CTNND2: variants seen among roughly 807,000 people sequenced by gnomAD.
CTNND2 encodes catenin delta 2.
CTNND2 carries 22 observed loss-of-function variants against 144.4 expected under a neutral mutation model. That is an observed-to-expected ratio of 0.15 (90% CI 0.11 to 0.22). CTNND2 has a LOEUF of 0.22. CTNND2 is among the 10% of genes least tolerant of loss of function. CTNND2 has a pLI of 1.00. For synonymous variants in CTNND2, 751 were observed against 695.6 expected (o/e 1.08, Z -1.25); for missense variants, 1,353 against 1,618.8 (o/e 0.84, Z 2.82).
chr5:11,411,869 G>T (rs1160533499), intron 4 of CTNND2, among the ~76,000 whole-genome samples, 166 bp downstream of exon 4: 1 of 152,166 alleles, frequency 6.6e-6, no homozygotes, highest in African/African-American at 2.4e-5. Context: ...AGAATTGAAA[G>T]ATTTAACTCT....
intron 9 of CTNND2, among the ~76,000 whole-genome samples, chr5:11,243,086 T>C (rs989491804): frequency 3.9e-5 from 6 of 152,254 alleles, no homozygotes; most frequent in Admixed American, 6.5e-5. Context: ...CTTTCACTGA[T>C]ACGTATTCAT....
intron 20 of CTNND2, among the ~76,000 whole-genome samples, chr5:10,982,653 T>C (rs577434970): frequency 6.6e-6 from 1 of 152,322 alleles, no homozygotes; most frequent in East Asian, 1.9e-4. Flanking sequence ...GCTGGGTGTA[T>C]ATTAGAAAGA....
chr5:11,647,133 T>C (rs1271948225), intron 2 of CTNND2, among the ~76,000 whole-genome samples: 1 of 152,162 alleles, frequency 6.6e-6, no homozygotes, highest in East Asian at 1.9e-4. Context: ...GAGCAAACTC[T>C]ACTGTTCTTT....
chr5:11,366,985 G>A (rs1313554447), intron 7 of CTNND2, among the ~76,000 whole-genome samples: 1 of 152,220 alleles, frequency 6.6e-6, no homozygotes, highest in Non-Finnish European at 1.5e-5. Context: ...GTCTACCTAT[G>A]TGGATATCAG....
chr5:11,600,221 T>A (rs1390866291), intron 2 of CTNND2, among the ~76,000 whole-genome samples: 4 of 152,194 alleles, frequency 2.6e-5, no homozygotes, highest in Admixed American at 6.5e-5. Context: ...GTGGACACAC[T>A]GTTTTGTCAA....
chr5:11,685,328 A>G (rs1784599582), intron 2 of CTNND2, among the ~76,000 whole-genome samples: 1 of 152,194 alleles, frequency 6.6e-6, no homozygotes, highest in Non-Finnish European at 1.5e-5. Flanking sequence ...AAATGAAAGC[A>G]AAGTGTCAGC....
chr5:11,672,923 C>CCGTGAGCTGCACCCTGTCCAA (rs1466962960), intron 2 of CTNND2, among the ~76,000 whole-genome samples: 1 of 152,156 alleles, frequency 6.6e-6, no homozygotes, highest in Non-Finnish European at 1.5e-5. Context: ...GGCTCACCCT[C>CCGTGAGCTGCACCCTGTCCAA]CGTGAGCTGC....
intron 16 of CTNND2, among the ~76,000 whole-genome samples, chr5:11,039,469 C>A (rs1744454672): frequency 6.6e-6 from 1 of 152,152 alleles, no homozygotes; most frequent in South Asian, 2.1e-4. Flanking sequence ...CATACCAGTC[C>A]CCTTTTCCCA....
At chr5:11,030,001 C>T (rs1432734882) in intron 16 of CTNND2, among the ~76,000 whole-genome samples, 1 of 151,782 alleles carries the variant, frequency 6.6e-6, no homozygotes, top group Non-Finnish European at 1.5e-5. Context: ...TAAGTTTTCC[C>T]TCACTTCTGC....
At chr5:11,124,697 G>A (rs950453325) in intron 12 of CTNND2, among the ~76,000 whole-genome samples, 3 of 152,136 alleles carry the variant, frequency 2.0e-5, no homozygotes, top group Admixed American at 6.5e-5. Context: ...TCACTGGCAC[G>A]ATCAACCCCT....
chr5:11,041,058 T>C (rs1039674495), intron 16 of CTNND2, among the ~76,000 whole-genome samples: 1 of 152,222 alleles, frequency 6.6e-6, no homozygotes, highest in African/African-American at 2.4e-5. Context: ...GAGTCTGAAA[T>C]TAGTCCTCCA....
chr5:11,478,305 T>C (rs1441748600), intron 3 of CTNND2, among the ~76,000 whole-genome samples: 3 of 152,208 alleles, frequency 2.0e-5, no homozygotes, highest in Non-Finnish European at 4.4e-5. Flanking sequence ...TATCTGTTTT[T>C]CCAAAGCAGT....
intron 3 of CTNND2, among the ~76,000 whole-genome samples, chr5:11,480,877 A>G (rs1362842944): frequency 6.6e-6 from 1 of 152,098 alleles, no homozygotes; most frequent in Non-Finnish European, 1.5e-5. Flanking sequence ...AAATGTTACT[A>G]TGGAAAATGA....
intron 3 of CTNND2, among the ~76,000 whole-genome samples, chr5:11,515,624 A>G (rs755348837): frequency 1.4e-4 from 22 of 152,220 alleles, no homozygotes; most frequent in Non-Finnish European, 2.4e-4. Flanking sequence ...ATGCAATTAC[A>G]TGATTTTTGC....
intron 11 of CTNND2, among the ~76,000 whole-genome samples, chr5:11,178,744 T>G (rs1179463647): frequency 6.6e-6 from 1 of 152,166 alleles, no homozygotes; most frequent in Admixed American, 6.5e-5. Context: ...TAAAATTAAT[T>G]AGACTCAGGG....
intron 12 of CTNND2, among the ~76,000 whole-genome samples, chr5:11,150,167 G>C (rs1180801350): frequency 1.3e-5 from 2 of 152,128 alleles, no homozygotes; most frequent in African/African-American, 4.8e-5. Context: ...TGTTGAGTCA[G>C]TGTTCAGAGA....
chr5:11,557,106 T>C (rs1776293613), intron 3 of CTNND2, among the ~76,000 whole-genome samples: 1 of 152,208 alleles, frequency 6.6e-6, no homozygotes, highest in Non-Finnish European at 1.5e-5. Context: ...GAATAAAATT[T>C]ATTTTCTCTC....
intron 3 of CTNND2, among the ~76,000 whole-genome samples, chr5:11,458,173 C>T (rs1765893777): frequency 1.3e-5 from 2 of 152,214 alleles, no homozygotes; most frequent in Admixed American, 6.5e-5. Context: ...CTCTAGTCCT[C>T]ACCAAGGGGT....
chr5:11,823,489 T>C (rs1199658033), intron 1 of CTNND2, among the ~76,000 whole-genome samples: 1 of 152,212 alleles, frequency 6.6e-6, no homozygotes, highest in Non-Finnish European at 1.5e-5. Flanking sequence ...AAATTGTTAA[T>C]CACTGAGGAT....
Sources: allele counts gnomAD v4.1 joint callset (sites outside exome capture counted in the v4.1 genomes callset), GRCh38; gene constraint gnomAD v4.1.1; transcripts MANE v1.5; gene names NCBI Gene and HGNC (gene_info 2026-07-23, HGNC 2026-07-21).